Variants in LRRK2 observed in about 807,000 individuals in gnomAD.
LRRK2 encodes leucine rich repeat kinase 2, also known as leucine-rich repeat serine/threonine-protein kinase 2.
In LRRK2, 203 loss-of-function variants were observed where a neutral mutation model predicts 302.6. The ratio of observed to expected loss-of-function variants is 0.67; its 90% confidence interval spans 0.60 to 0.75. LRRK2 has a LOEUF of 0.75. Among genes scored for constraint, LRRK2 ranks in the 30% least tolerant of loss-of-function variants. The probability of loss-of-function intolerance (pLI) is 0.00; values close to 1 mark genes in which losing one functional copy is unlikely to be tolerated. For missense variants in LRRK2, 2,830 were observed against 2,951.0 expected (o/e 0.96, Z 0.95); for synonymous variants, 1,066 against 1,031.9 (o/e 1.03, Z -0.63).
intron 3 of LRRK2, among the ~76,000 whole-genome samples, chr12:40,233,697 G>A (rs371897026): frequency 1.5e-3 from 221 of 152,308 alleles, no homozygotes; most frequent in South Asian, 5.6e-3. Context: ...TAATTTCCAG[G>A]AAGTCCAAAG....
intron 44 of LRRK2, among the ~76,000 whole-genome samples, chr12:40,353,037 C>T (rs576333949): frequency 0.012 from 1,776 of 149,182 alleles, 43 homozygotes; most frequent in African/African-American, 0.042. Context: ...AAGGGGCGGC[C>T]GGGCAGAGGC....
rs111783135 is a variant in LRRK2 at position 40,297,045 on chromosome 12, T to C, written c.3097-1198T>C. On this transcript the variant is annotated intron_variant, in intron 23 of 50. Coordinates refer to ENST00000298910, the MANE Select transcript of LRRK2 (RefSeq NM_198578.4). ...CATCCAATTTGATTTAAAATACCTT[T>C]GCCCCCACTAGACTGTGAACTCTTT... Among the ~76,000 whole-genome samples the C allele has an allele frequency of 2.0e-3, 299 of 151,310 alleles. 2 individuals carry two copies. Among genetic ancestry groups the C allele is most frequent in the African/African-American group, 6.4e-3 (264 of 41,080 alleles).
At chr12:40,301,609 C>T (rs953809211) in intron 25 of LRRK2, among the ~76,000 whole-genome samples, 15 of 152,146 alleles carry the variant, frequency 9.9e-5, no homozygotes, top group African/African-American at 3.1e-4. Context: ...AGGAAGACAG[C>T]TTCTAGGAGT....
chr12:40,315,184 T>G (rs777643179), intron 32 of LRRK2, 28 bp from the exon 33 acceptor site: 1 of 1,554,708 alleles, frequency 6.4e-7, no homozygotes, highest in Non-Finnish European at 8.9e-7. Context: ...GATTCCATGT[T>G]TCACTGTTTG....
At chr12:40,263,708 C>A in intron 13 of LRRK2, 81 bp from the exon 14 acceptor site, 2 of 986,890 alleles carry the variant, frequency 2.0e-6, no homozygotes, top group Non-Finnish European at 1.6e-6. Context: ...TTAATTATGA[C>A]AATTTCTAGA....
chr12:40,253,257 A>G (rs1453557144), intron 11 of LRRK2, among the ~76,000 whole-genome samples: 2 of 152,220 alleles, frequency 1.3e-5, no homozygotes, highest in Admixed American at 1.3e-4. Context: ...CACACATGAC[A>G]TATACAAAAT....
chr12:40,310,783 G>A (rs1040341506), intron 31 of LRRK2, 134 bp downstream of exon 31: 2 of 813,794 alleles, frequency 2.5e-6, no homozygotes, highest in Non-Finnish European at 2.0e-6. Flanking sequence ...CATTATTAAA[G>A]TCCTTTCCAT....
rs766719358 is a variant in LRRK2 at position 40,320,017 on chromosome 12, A to G, written c.4857A>G (p.Pro1619=). The stretch of plus-strand genomic sequence containing the variant: ...TGACAGTGAAAGTGGAAGGTTGTCC[A>G]AAACACCCTAAGGGCATTATTTCGC... The part of the protein sequence containing the change: ...QILTVKVEGC[P]KHPKGIISRR... Residue 1619 remains proline (P), a synonymous_variant, in exon 34 of 51, where the codon CCA becomes CCG. Transcript: ENST00000298910. The G allele has an allele frequency of 3.7e-6, 6 of 1,610,596 alleles. No individual in the cohort carries two copies.
Position 40,363,552 on chromosome 12 carries a change from A to G in LRRK2, c.7179A>G (p.Leu2393=). 1 of 1,611,150 alleles carries G rather than the reference A, an allele frequency of 6.2e-7. No individual in the cohort carries two copies. Among genetic ancestry groups the G allele is most frequent in the African/African-American group, 1.3e-5 (1 of 74,864 alleles). ...GACTAATAGACTGCGTGCACTTTTT[A>G]AGGTAAATTCTGTGGTTTTTAATTT... is the stretch of plus-strand genomic sequence containing the variant. ...LCGLIDCVHF[L]REVMVKENKE... Residue 2393 remains leucine, a splice_region_variant and synonymous_variant, in exon 48 of 51, where the codon TTA becomes TTG. Transcript: ENST00000298910.
chr12:40,361,613 A>G (rs1946708846), intron 47 of LRRK2, among the ~76,000 whole-genome samples: 1 of 152,084 alleles, frequency 6.6e-6, no homozygotes, highest in Non-Finnish European at 1.5e-5. Context: ...TATGGATATC[A>G]GTTAACTCTT....
In LRRK2 at chr12:40,267,802, G is replaced by C. The variant is rs545640867; in HGVS notation, c.1656+3901G>C. ...AGGAAAATGGCTCTAAAAAATGAGA[G>C]CAATTACTGTAGCTCCAAAATTCTG... On this transcript the variant is annotated intron_variant, in intron 14 of 50. Transcript: ENST00000298910. 2.6e-4 allele frequency among the ~76,000 whole-genome samples: 40 copies of C among 152,180 alleles called. 1 individual carries two copies. The South Asian group carries it at 6.8e-3, about 26-fold the overall frequency.
At chr12:40,295,284 T>G (rs1944336206) in intron 22 of LRRK2, 143 bp from the exon 23 acceptor site, 1 of 717,318 alleles carries the variant, frequency 1.4e-6, no homozygotes, top group African/African-American at 1.8e-5. Context: ...GCCACTGGAA[T>G]GTAAACTCCA....
intron 20 of LRRK2, among the ~76,000 whole-genome samples, chr12:40,291,701 A>G (rs1484870566): frequency 1.3e-5 from 2 of 151,862 alleles, no homozygotes; most frequent in Admixed American, 1.3e-4. Flanking sequence ...TTCAGCTGTT[A>G]TTGGGTCAAA....
chr12:40,327,070 T>A (rs916525131), intron 38 of LRRK2, among the ~76,000 whole-genome samples: 2 of 152,230 alleles, frequency 1.3e-5, no homozygotes, highest in African/African-American at 4.8e-5. Flanking sequence ...GTGTATTCAC[T>A]TATATCCATC....
intron 6 of LRRK2, among the ~76,000 whole-genome samples, chr12:40,241,301 C>A (rs536081464): frequency 5.9e-5 from 9 of 152,312 alleles, no homozygotes; most frequent in African/African-American, 2.2e-4. Context: ...TAAAAAGCCA[C>A]ATGAAGGAGT....
chr12:40,305,997 T>A, intron 28 of LRRK2, 31 bp downstream of exon 28: 1 of 1,521,274 alleles, frequency 6.6e-7, no homozygotes, highest in Non-Finnish European at 9.1e-7. Flanking sequence ...TTGGTTTTAC[T>A]AAATTTATTT....
chr12:40,311,320 A>G (rs760211696), intron 31 of LRRK2, among the ~76,000 whole-genome samples: 56 of 149,616 alleles, frequency 3.7e-4, no homozygotes, highest in Non-Finnish European at 4.4e-4. Flanking sequence ...TATAAAATGT[A>G]AATAAATCAG....
At chr12:40,317,645 G>T (rs4768228) in intron 33 of LRRK2, among the ~76,000 whole-genome samples, 5,035 of 152,136 alleles carry the variant, frequency 0.033, 234 homozygotes, top group South Asian at 0.12. Context: ...ACATTAAAAA[G>T]CTTACATGGC....
intron 7 of LRRK2, among the ~76,000 whole-genome samples, chr12:40,245,761 CTG>C (rs1941952211): frequency 6.6e-6 from 1 of 151,796 alleles, no homozygotes; most frequent in African/African-American, 2.4e-5. Context: ...TATTTTTGAA[CTG>C]TGTTTTCATA....
Sources: allele counts gnomAD v4.1 joint callset (sites outside exome capture counted in the v4.1 genomes callset), GRCh38; gene constraint gnomAD v4.1.1; transcripts MANE v1.5; gene names NCBI Gene and HGNC (gene_info 2026-07-23, HGNC 2026-07-21).